PADI2: variants seen among roughly 807,000 people sequenced by gnomAD.
PADI2 encodes peptidyl arginine deiminase 2, also known as protein-arginine deiminase type-2.
PADI2 carries 70 observed loss-of-function variants against 81.1 expected under a neutral mutation model. That is an observed-to-expected ratio of 0.86 (90% CI 0.71 to 1.05). PADI2 has a LOEUF of 1.05. PADI2 is among the 50% of genes least tolerant of loss of function. PADI2 has a pLI of 0.00. For missense variants in PADI2, 853 were observed against 889.9 expected, an observed-to-expected ratio of 0.96 and a Z score of 0.53; for synonymous variants, 338 against 358.0, an observed-to-expected ratio of 0.94 and a Z score of 0.63.
intron 1 of PADI2, among the ~76,000 whole-genome samples, chr1:17,109,457 C>T (rs756436909): frequency 6.6e-6 from 1 of 151,076 alleles, no homozygotes; most frequent in Non-Finnish European, 1.5e-5. Flanking sequence ...CTCCCCTCCC[C>T]ACCTTAACCA....
rs536217972 is a variant in PADI2 at position 17,114,290 on chromosome 1, G to A, written c.92+4990C>T. ...ACAGGCCACATTCATTCATTCATTC[G>A]TTCATTCATTCATTCATTCAGGGAG... On this transcript the variant is annotated intron_variant, in intron 1 of 15. Coordinates refer to ENST00000375486, the MANE Select transcript of PADI2 (RefSeq NM_007365.3). Among the ~76,000 whole-genome samples the A allele has an allele frequency of 7.2e-5, 11 of 152,136 alleles. 1 individual carries two copies. The highest frequency in any genetic ancestry group is 3.4e-3 in the Middle Eastern group (1 of 294).
intron 14 of PADI2, among the ~76,000 whole-genome samples, chr1:17,070,940 G>A (rs1417385879): frequency 6.6e-6 from 1 of 152,172 alleles, no homozygotes; most frequent in Non-Finnish European, 1.5e-5. Context: ...GGGATTACAG[G>A]CATGAGCCAC....
chr1:17,108,442 C>A (rs1350260603), intron 1 of PADI2, among the ~76,000 whole-genome samples: 2 of 152,140 alleles, frequency 1.3e-5, no homozygotes, highest in African/African-American at 4.8e-5. Flanking sequence ...CTCTCACTCC[C>A]CCTAGGGCTG....
intron 6 of PADI2, among the ~76,000 whole-genome samples, chr1:17,088,800 G>A (rs190716386): frequency 4.0e-5 from 6 of 151,522 alleles, no homozygotes; most frequent in Non-Finnish European, 8.8e-5. Flanking sequence ...CTAGCTACTC[G>A]GGAGGCTGAG....
rs755871420 is a variant in PADI2, at chr1:17,082,677, T to C, written c.1051-25A>G. The stretch of plus-strand genomic sequence containing the variant: ...CCTGCAGGGACACCAAGGAGAACTG[T>C]TAGACGAATCCAGGGGACAATTTGT... On this transcript the variant is annotated intron_variant, in intron 9 of 15. Transcript: ENST00000375486. The C allele has an allele frequency of 7.1e-6, 10 of 1,418,260 alleles. No individual in the cohort carries two copies. The East Asian group carries it at 2.1e-4, about 30-fold the overall frequency. 87.9% of individuals were successfully genotyped at this position (1,418,260 alleles called of 1,614,324 possible). A position where few individuals can be genotyped will look rare whatever the true frequency, so the allele number is the denominator to read the frequency against.
At chr1:17,109,975 G>T (rs1931516889) in intron 1 of PADI2, among the ~76,000 whole-genome samples, 1 of 152,184 alleles carries the variant, frequency 6.6e-6, no homozygotes, top group Non-Finnish European at 1.5e-5. Context: ...GGCTCCAGAG[G>T]GTTAACGCCC....
intron 1 of PADI2, among the ~76,000 whole-genome samples, chr1:17,109,572 C>A (rs891971626): frequency 3.3e-5 from 5 of 151,072 alleles, no homozygotes; most frequent in Non-Finnish European, 7.4e-5. Flanking sequence ...CTCACTGCAA[C>A]CTCCGCATCC....
intron 13 of PADI2, among the ~76,000 whole-genome samples, chr1:17,074,156 C>G (rs1557757423): frequency 6.6e-6 from 1 of 152,058 alleles, no homozygotes; most frequent in Non-Finnish European, 1.5e-5. Context: ...CTTTGGGAGG[C>G]TGAGGCGGGT....
chr1:17,104,877 C>T lies in PADI2; in HGVS notation c.276+1G>A, dbSNP rs1298546236. 1.3e-6 allele frequency: 2 copies of T among 1,567,216 alleles called. No homozygotes were observed. Among genetic ancestry groups the T allele is most frequent in the Non-Finnish European group, 1.7e-6 (2 of 1,154,452 alleles). On this transcript the variant is annotated splice_donor_variant, in intron 2 of 15. Transcript: ENST00000375486. LOFTEE classifies it high-confidence loss of function. ...AGAGGCTGGACTTCCCGCCGTGGTA[C>T]CTTGTCACTGCTGGCCTCGGTGCTC...
intron 5 of PADI2, among the ~76,000 whole-genome samples, chr1:17,092,993 C>A (rs61767325): frequency 0.55 from 82,963 of 150,612 alleles, 23,426 homozygotes; most frequent in Non-Finnish European, 0.63. Flanking sequence ...AAAAGCAAAG[C>A]ATAAAACAGA....
chr1:17,090,084 T>A (rs1457481463), intron 6 of PADI2, among the ~76,000 whole-genome samples: 1 of 152,196 alleles, frequency 6.6e-6, no homozygotes, highest in African/African-American at 2.4e-5. Context: ...TGGGCAGAAT[T>A]TGAGGCTAAG....
At chr1:17,117,654 T>C (rs1251717916) in intron 1 of PADI2, among the ~76,000 whole-genome samples, 1 of 152,170 alleles carries the variant, frequency 6.6e-6, no homozygotes, top group African/African-American at 2.4e-5. Context: ...TTTGCCAGGA[T>C]AGAGCGATAG....
intron 6 of PADI2, among the ~76,000 whole-genome samples, chr1:17,088,584 G>GT (rs1930550766): frequency 6.6e-6 from 1 of 152,046 alleles, no homozygotes; most frequent in Non-Finnish European, 1.5e-5. Flanking sequence ...AGGGACCTTG[G>GT]TTTAAATACT....
At chr1:17,116,912 T>C (rs1557775797) in intron 1 of PADI2, among the ~76,000 whole-genome samples, 1 of 152,200 alleles carries the variant, frequency 6.6e-6, no homozygotes, top group Non-Finnish European at 1.5e-5. Flanking sequence ...AGCTCCTTAG[T>C]CCTGGAAGAG....
intron 12 of PADI2, 71 bp from the exon 13 acceptor site, chr1:17,075,020 G>A (rs1022184676): frequency 8.9e-5 from 84 of 943,094 alleles, no homozygotes; most frequent in South Asian, 3.1e-4. Context: ...GAGGCCCTGC[G>A]CTGAGGACCC....
chr1:17,105,924 G>A (rs533366288), intron 1 of PADI2, among the ~76,000 whole-genome samples: 1 of 152,164 alleles, frequency 6.6e-6, no homozygotes, highest in Non-Finnish European at 1.5e-5. Flanking sequence ...GCCTCTGATG[G>A]GAGGCCAGTT....
intron 7 of PADI2, among the ~76,000 whole-genome samples, chr1:17,085,848 T>C (rs2746524): frequency 0.98 from 148,660 of 152,302 alleles, 72,559 homozygotes; most frequent in East Asian, 1. Flanking sequence ...AGCCAGGTCC[T>C]TCCCTTTTTT....
chr1:17,074,426 G>A (rs1022681604), intron 13 of PADI2, among the ~76,000 whole-genome samples: 20 of 151,818 alleles, frequency 1.3e-4, no homozygotes, highest in Non-Finnish European at 2.1e-4. Context: ...TAAAAATGGG[G>A]CTCTCACTAT....
intron 1 of PADI2, among the ~76,000 whole-genome samples, chr1:17,112,527 G>A (rs961311189): frequency 6.8e-5 from 10 of 146,136 alleles, no homozygotes; most frequent in Non-Finnish European, 1.4e-4. Context: ...GGAGTCTGGG[G>A]GGGGGAGTCG....
Sources: gnomAD v4.1 joint callset for allele counts (sites outside exome capture counted in the v4.1 genomes callset) on GRCh38, gnomAD v4.1.1 for gene constraint, MANE v1.5 for transcripts, NCBI Gene and HGNC (gene_info 2026-07-23, HGNC 2026-07-21) for gene names.